Variants in SHANK2 observed in about 807,000 individuals in gnomAD.
SHANK2 encodes the protein SH3 and multiple ankyrin repeat domains 2.
In SHANK2, 43 loss-of-function variants were observed where a neutral mutation model predicts 133.7. That is an observed-to-expected ratio of 0.32 (90% confidence interval 0.25 to 0.41). The LOEUF is 0.41. Ranked by LOEUF, SHANK2 falls within the 10% of genes least tolerant of loss-of-function variation. SHANK2 has a pLI of 1.00. For missense variants in SHANK2, 1,994 were observed against 2,235.8 expected (o/e 0.89, Z 2.18); for synonymous variants, 1,017 against 952.8 (o/e 1.07, Z -1.24).
At chr11:70,883,366 G>A (rs1555072774) in intron 11 of SHANK2, among the ~76,000 whole-genome samples, 1 of 152,178 alleles carries the variant, frequency 6.6e-6, no homozygotes, top group Non-Finnish European at 1.5e-5. Flanking sequence ...TTCCCACCCT[G>A]ATACCTACGG....
intron 14 of SHANK2, among the ~76,000 whole-genome samples, chr11:70,707,822 C>T (rs61886444): frequency 0.091 from 13,858 of 152,248 alleles, 792 homozygotes; most frequent in African/African-American, 0.15. Context: ...GAAAACATCC[C>T]CCTGCCCTTT....
intron 14 of SHANK2, among the ~76,000 whole-genome samples, chr11:70,748,974 C>A (rs1055266729): frequency 6.7e-6 from 1 of 148,464 alleles, no homozygotes; most frequent in African/African-American, 2.5e-5. Context: ...ACAACAGAAA[C>A]AATAACGAAT....
rs989867073 is a variant in SHANK2 at position 70,771,897 on chromosome 11, C to T, written c.1777+26546G>A. Reference sequence around the variant, plus strand: ...CATCAAGGTGAGGAAGCCAGGAAATCGCTACTGGGCCTGGGGGTTTTCACC... The same window carrying T: ...CATCAAGGTGAGGAAGCCAGGAAATTGCTACTGGGCCTGGGGGTTTTCACC... On this transcript the variant is annotated intron_variant, in intron 14 of 25. Transcript: ENST00000601538. Among the ~76,000 whole-genome samples the T allele has an allele frequency of 2.8e-4, 42 of 152,148 alleles. 2 individuals carry two copies. The highest frequency in any genetic ancestry group is 2.5e-3 in the Admixed American group (38 of 15,286).
chr11:71,216,499 C>T (rs1011239794), intron 2 of SHANK2, among the ~76,000 whole-genome samples: 14 of 152,056 alleles, frequency 9.2e-5, no homozygotes, highest in African/African-American at 2.9e-4. Context: ...GGAGTGACTT[C>T]TAATGGTACA....
At chr11:71,114,280 C>G (rs1402268544) in intron 4 of SHANK2, among the ~76,000 whole-genome samples, 1 of 152,190 alleles carries the variant, frequency 6.6e-6, no homozygotes, top group Non-Finnish European at 1.5e-5. Context: ...CACTTTATCT[C>G]TCCCTCCTTA....
At chr11:71,214,852 C>T (rs1387283638) in intron 2 of SHANK2, among the ~76,000 whole-genome samples, 4 of 152,220 alleles carry the variant, frequency 2.6e-5, no homozygotes, top group Non-Finnish European at 4.4e-5. Flanking sequence ...AGCAGGTGCT[C>T]GATGGGAGGC....
chr11:71,171,291 C>T (rs1590984949), intron 2 of SHANK2, among the ~76,000 whole-genome samples: 1 of 152,120 alleles, frequency 6.6e-6, no homozygotes. Flanking sequence ...TGGAGTCCCT[C>T]GAGGCTGAGA....
intron 17 of SHANK2, among the ~76,000 whole-genome samples, chr11:70,628,525 T>C (rs898569221): frequency 6.6e-6 from 1 of 152,200 alleles, no homozygotes; most frequent in Non-Finnish European, 1.5e-5. Context: ...TCAGTCCTTA[T>C]AGTAGCTCTG....
At chr11:71,067,526 AAAG>A (rs1951080976) in intron 9 of SHANK2, among the ~76,000 whole-genome samples, 1 of 152,192 alleles carries the variant, frequency 6.6e-6, no homozygotes, top group South Asian at 2.1e-4. Context: ...TGATTTCATA[AAAG>A]AAGAGAGAAC....
intron 17 of SHANK2, among the ~76,000 whole-genome samples, chr11:70,508,136 C>T (rs369615765): frequency 5.9e-5 from 9 of 152,236 alleles, no homozygotes; most frequent in Middle Eastern, 3.2e-3. Flanking sequence ...AGCCTGTGCC[C>T]GGCTCTGACC....
rs12284421 is a variant in SHANK2 at position 71,167,996 on chromosome 11, C to T, written c.-12-20658G>A. 1.1e-3 allele frequency among the ~76,000 whole-genome samples: 125 copies of T among 116,870 alleles called. 3 individuals carry two copies. The highest frequency in any genetic ancestry group is 1.8e-3 in the Non-Finnish European group (105 of 57,332). 76.7% of individuals were successfully genotyped at this position (116,870 alleles called of 152,430 possible). ...GCTCCTCACTTCCCAGACGGGGTGG[C>T]TGCTGGGCGGAGGGGCTCCTCACTT... On this transcript the variant is annotated intron_variant, in intron 2 of 25. Coordinates refer to ENST00000601538, the MANE Select transcript of SHANK2 (RefSeq NM_012309.5).
chr11:70,685,227 C>G (rs949843470), intron 15 of SHANK2, among the ~76,000 whole-genome samples: 1 of 152,156 alleles, frequency 6.6e-6, no homozygotes, highest in African/African-American at 2.4e-5. Context: ...CCAGTCTGGG[C>G]CCCTCTCTTC....
At chr11:70,848,361 C>A (rs1402752853) in intron 11 of SHANK2, among the ~76,000 whole-genome samples, 1 of 152,184 alleles carries the variant, frequency 6.6e-6, no homozygotes, top group Admixed American at 6.5e-5. Context: ...AATGTCAGGG[C>A]CTGGCGGGGG....
At chr11:71,198,406 A>T (rs1223121560) in intron 2 of SHANK2, among the ~76,000 whole-genome samples, 1 of 152,204 alleles carries the variant, frequency 6.6e-6, no homozygotes, top group Non-Finnish European at 1.5e-5. Context: ...TCTCCCAGCC[A>T]GAGAATGGCT....
chr11:71,069,578 T>C (rs1951116590), intron 9 of SHANK2, among the ~76,000 whole-genome samples: 1 of 152,216 alleles, frequency 6.6e-6, no homozygotes, highest in Admixed American at 6.5e-5. Flanking sequence ...AGGAATACCA[T>C]ATTACCATAT....
At chr11:70,887,345 A>G (rs1020622242) in intron 11 of SHANK2, among the ~76,000 whole-genome samples, 9 of 143,946 alleles carry the variant, frequency 6.3e-5, no homozygotes, top group African/African-American at 2.3e-4. Flanking sequence ...TAAAATCACC[A>G]AACAGAGGTC....
intron 13 of SHANK2, among the ~76,000 whole-genome samples, chr11:70,802,419 G>A (rs747264802): frequency 3.9e-5 from 6 of 152,106 alleles, no homozygotes; most frequent in South Asian, 2.1e-4. Flanking sequence ...CTCCGACCCC[G>A]CTGCTACACT....
At chr11:70,845,113 C>T (rs1427743504) in intron 11 of SHANK2, among the ~76,000 whole-genome samples, 3 of 147,302 alleles carry the variant, frequency 2.0e-5, no homozygotes, top group African/African-American at 7.5e-5. Context: ...GCAGGAGAAT[C>T]GCTTGAACCC....
At chr11:71,152,963 CAA>C (rs1555108381) in intron 2 of SHANK2, among the ~76,000 whole-genome samples, 1 of 152,186 alleles carries the variant, frequency 6.6e-6, no homozygotes, top group East Asian at 1.9e-4. Context: ...AGACAAACAA[CAA>C]AGACACTTTA....
Sources: allele counts gnomAD v4.1 joint callset (sites outside exome capture counted in the v4.1 genomes callset), GRCh38; gene constraint gnomAD v4.1.1; transcripts MANE v1.5; gene names NCBI Gene and HGNC (gene_info 2026-07-23, HGNC 2026-07-21).